The following FOXN3 variants were observed in gnomAD, a reference collection of about 807,000 sequenced individuals.
FOXN3 encodes the protein forkhead box protein N3.
FOXN3 carries 7 observed loss-of-function variants against 38.4 expected under a neutral mutation model. That is an observed-to-expected ratio of 0.18 (90% CI 0.10 to 0.34). The LOEUF is 0.34. Among genes scored for constraint, FOXN3 ranks in the 10% least tolerant of loss-of-function variants. The pLI is 1.00. For missense variants in FOXN3, 456 were observed against 613.4 expected (o/e 0.74, Z 2.71); for synonymous variants, 230 against 242.2 (o/e 0.95, Z 0.47).
At chr14:89,423,956 G>T (rs1166353134) in intron 1 of FOXN3, among the ~76,000 whole-genome samples, 2 of 152,216 alleles carry the variant, frequency 1.3e-5, no homozygotes, top group Non-Finnish European at 2.9e-5. Context: ...CCCCAGGAAA[G>T]CAGGACTCCA....
chr14:89,275,610 T>G (rs1886274733), intron 4 of FOXN3, among the ~76,000 whole-genome samples: 1 of 152,146 alleles, frequency 6.6e-6, no homozygotes, highest in Admixed American at 6.6e-5. Flanking sequence ...GTGAGGTATC[T>G]CATACATTTC....
chr14:89,203,905 T>C (rs7149041), intron 4 of FOXN3, among the ~76,000 whole-genome samples: 3,186 of 152,218 alleles, frequency 0.021, 115 homozygotes, highest in African/African-American at 0.072. Context: ...AAAGCCAGCA[T>C]TGGTGCTCTG....
chr14:89,209,290 C>CTTCT (rs1362290964), intron 4 of FOXN3, among the ~76,000 whole-genome samples: 1 of 152,238 alleles, frequency 6.6e-6, no homozygotes, highest in East Asian at 1.9e-4. Context: ...GTATTAGGAG[C>CTTCT]TTCTGCTCCT....
At chr14:89,370,771 A>G (rs1890296355) in intron 2 of FOXN3, among the ~76,000 whole-genome samples, 1 of 152,190 alleles carries the variant, frequency 6.6e-6, no homozygotes, top group African/African-American at 2.4e-5. Context: ...CGTAAATTAC[A>G]CTCAACTCCG....
chr14:89,411,707 C>T (rs1009059676), intron 2 of FOXN3, among the ~76,000 whole-genome samples: 1 of 152,012 alleles, frequency 6.6e-6, no homozygotes, highest in African/African-American at 2.4e-5. Flanking sequence ...TTTATGGAAA[C>T]CCTATCAGTG....
intron 4 of FOXN3, among the ~76,000 whole-genome samples, chr14:89,225,502 G>C (rs1884608921): frequency 1.3e-5 from 2 of 152,166 alleles, no homozygotes; most frequent in Admixed American, 6.5e-5. Flanking sequence ...TACTTGGGAG[G>C]CTGAGGCAGG....
chr14:89,457,945 TGGAGGTTGCAGTGAGC>T (rs990473405), intron 1 of FOXN3, among the ~76,000 whole-genome samples: 7 of 133,956 alleles, frequency 5.2e-5, no homozygotes, highest in Middle Eastern at 5.0e-3. Context: ...ACCTGGGAGG[TGGAGGTTGCAGTGAGC>T]GGAGGTTGCA....
At chr14:89,333,902 A>C (rs1888343417) in intron 3 of FOXN3, among the ~76,000 whole-genome samples, 1 of 150,432 alleles carries the variant, frequency 6.6e-6, no homozygotes. Context: ...TATTCACAAT[A>C]GCCAAAATAT....
chr14:89,177,543 G>T (rs968341384), intron 5 of FOXN3, among the ~76,000 whole-genome samples: 38 of 151,622 alleles, frequency 2.5e-4, no homozygotes, highest in African/African-American at 9.0e-4. Context: ...CCCAAACTGG[G>T]GCTGGGGCTG....
intron 5 of FOXN3, among the ~76,000 whole-genome samples, chr14:89,171,430 A>C (rs992456053): frequency 4.6e-5 from 7 of 152,194 alleles, no homozygotes; most frequent in Non-Finnish European, 5.9e-5. Context: ...TTCTGAGGCT[A>C]ATGTAATCTT....
chr14:89,411,858 A>G (rs1019997294), intron 2 of FOXN3, 76 bp downstream of exon 2: 3 of 996,702 alleles, frequency 3.0e-6, no homozygotes, highest in Non-Finnish European at 4.1e-6. Flanking sequence ...GTGAATAGAA[A>G]TTCATTTTTA....
chr14:89,262,809 TAC>T (rs1566941808), intron 4 of FOXN3, among the ~76,000 whole-genome samples: 1 of 152,234 alleles, frequency 6.6e-6, no homozygotes, highest in East Asian at 1.9e-4. Flanking sequence ...ACTCAGTATT[TAC>T]AAAGGGCTGA....
At chr14:89,445,080 C>T (rs982230177) in intron 1 of FOXN3, among the ~76,000 whole-genome samples, 1 of 151,812 alleles carries the variant, frequency 6.6e-6, no homozygotes. Context: ...CATGATTGAG[C>T]CACTGCACTC....
intron 4 of FOXN3, among the ~76,000 whole-genome samples, chr14:89,218,269 G>A (rs543196868): frequency 1.3e-5 from 2 of 152,230 alleles, no homozygotes; most frequent in East Asian, 1.9e-4. Context: ...GACTATGATC[G>A]GACAAGTCAA....
chr14:89,227,347 TC>T (rs1884671877), intron 4 of FOXN3, among the ~76,000 whole-genome samples: 1 of 152,242 alleles, frequency 6.6e-6, no homozygotes, highest in Non-Finnish European at 1.5e-5. Flanking sequence ...ACAGCGGATC[TC>T]CTTCCCAACA....
intron 1 of FOXN3, among the ~76,000 whole-genome samples, chr14:89,556,403 C>CAA (rs1370155737): frequency 1.4e-3 from 129 of 93,726 alleles, no homozygotes; most frequent in African/African-American, 4.5e-3. Flanking sequence ...AACTCCATCT[C>CAA]AAAAAAAAAA....
intron 1 of FOXN3, among the ~76,000 whole-genome samples, chr14:89,593,943 A>G (rs1182499495): frequency 1.3e-5 from 2 of 152,218 alleles, no homozygotes; most frequent in Non-Finnish European, 2.9e-5. Flanking sequence ...TGAGCTTTAT[A>G]TAAACGGAAT....
intron 1 of FOXN3, among the ~76,000 whole-genome samples, chr14:89,478,322 C>G (rs1893253519): frequency 6.6e-6 from 1 of 152,110 alleles, no homozygotes; most frequent in Non-Finnish European, 1.5e-5. Context: ...AATTCAATCT[C>G]TTTTCTTATA....
chr14:89,391,714 T>C (rs1048712067), intron 2 of FOXN3, among the ~76,000 whole-genome samples: 1 of 152,124 alleles, frequency 6.6e-6, no homozygotes, highest in Non-Finnish European at 1.5e-5. Context: ...CTAATAAAAC[T>C]GGAACCCTGG....
Sources: allele counts gnomAD v4.1 joint callset (sites outside exome capture counted in the v4.1 genomes callset), GRCh38; gene constraint gnomAD v4.1.1; transcripts MANE v1.5; gene names NCBI Gene and HGNC (gene_info 2026-07-23, HGNC 2026-07-21).